LMBRD1: variants seen among roughly 807,000 people sequenced by gnomAD.
The protein encoded by LMBRD1 is LMBR1 domain containing 1.
A neutral mutation model predicts 74.8 loss-of-function variants in LMBRD1; 64 were observed. That is an observed-to-expected ratio of 0.86 (90% CI 0.70 to 1.05). The LOEUF (loss-of-function observed/expected upper bound fraction) is 1.05. Among genes scored for constraint, LMBRD1 ranks in the 50% least tolerant of loss-of-function variants. LMBRD1 has a pLI of 0.00. For missense variants in LMBRD1, 652 were observed against 645.9 expected, an observed-to-expected ratio of 1.01 and a Z score of -0.10; for synonymous variants, 204 against 216.3, an observed-to-expected ratio of 0.94 and a Z score of 0.50.
intron 2 of LMBRD1, among the ~76,000 whole-genome samples, chr6:69,789,578 AT>A (rs1766034961): frequency 6.6e-6 from 1 of 151,494 alleles, no homozygotes; most frequent in South Asian, 2.1e-4. Context: ...AAATAAAATT[AT>A]TTACCTAATT....
At chr6:69,720,560 A>ATTTGGTATAT (rs1232725633) in intron 7 of LMBRD1, among the ~76,000 whole-genome samples, 3 of 152,026 alleles carry the variant, frequency 2.0e-5, no homozygotes, top group African/African-American at 7.2e-5. Flanking sequence ...TATTTGGTAT[A>ATTTGGTATAT]TTTGGTATAT....
intron 9 of LMBRD1, chr6:69,705,631 AATC>A: frequency 1.1e-6 from 1 of 904,462 alleles, no homozygotes; most frequent in Non-Finnish European, 1.8e-6. Context: ...TTATTATCAA[AATC>A]ATCATTATCA....
chr6:69,701,331 A>G (rs1766125011), intron 11 of LMBRD1, 112 bp downstream of exon 11: 1 of 692,930 alleles, frequency 1.4e-6, no homozygotes, highest in Non-Finnish European at 2.6e-6. Flanking sequence ...CAAACTATTC[A>G]TAGGTTTTTA....
At chr6:69,732,974 C>T (rs1031631) in intron 7 of LMBRD1, among the ~76,000 whole-genome samples, 74,957 of 151,988 alleles carry the variant, frequency 0.49, 19,127 homozygotes, top group African/African-American at 0.61. Context: ...TGTTTGACCT[C>T]CTTCTCCTAA....
At chr6:69,685,882 G>C (rs942650153) in intron 14 of LMBRD1, among the ~76,000 whole-genome samples, 1 of 152,062 alleles carries the variant, frequency 6.6e-6, no homozygotes, top group Non-Finnish European at 1.5e-5. Flanking sequence ...TGATGCATGC[G>C]AAAGTTTGAT....
intron 6 of LMBRD1, among the ~76,000 whole-genome samples, chr6:69,740,135 G>T (rs999710932): frequency 1.3e-4 from 20 of 151,092 alleles, no homozygotes; most frequent in African/African-American, 4.9e-4. Flanking sequence ...CAATAAAAAG[G>T]TCATATACCC....
At chr6:69,788,422 C>T (rs1447028753) in intron 2 of LMBRD1, among the ~76,000 whole-genome samples, 1 of 152,066 alleles carries the variant, frequency 6.6e-6, no homozygotes, top group Non-Finnish European at 1.5e-5. Context: ...AAGTATACTA[C>T]ACTGTTTTAA....
At chr6:69,775,710 A>T (rs187679738) in intron 3 of LMBRD1, among the ~76,000 whole-genome samples, 1 of 152,340 alleles carries the variant, frequency 6.6e-6, no homozygotes, top group East Asian at 1.9e-4. Flanking sequence ...GACAGGAAAT[A>T]CACATAAACC....
chr6:69,705,722 A>G, intron 9 of LMBRD1: 1 of 1,134,242 alleles, frequency 8.8e-7, no homozygotes, highest in Middle Eastern at 2.4e-4. Flanking sequence ...CCTTGCTACC[A>G]CCTCCAGGGA....
rs779802824 is a variant in LMBRD1, at chr6:69,699,175, T to C, written c.1206A>G (p.Arg402=). The part of the protein sequence containing the change: ...FFWIRLYKIR[R]GRTRPQALLF... ...GGAGTGCTTGGGGCCTGGTTCTACC[T>C]CTTCTGATTTTATATAACTGGAAAG... is the stretch of plus-strand genomic sequence containing the variant. The change falls in exon 13 of 16, where the codon AGA becomes AGG. Residue 402 remains arginine, a synonymous_variant. Transcript: ENST00000649934. 42 of 1,611,588 alleles carry C rather than the reference T, an allele frequency of 2.6e-5. No homozygotes were observed. The highest frequency in any genetic ancestry group is 3.5e-5 in the Non-Finnish European group (41 of 1,178,234).
intron 15 of LMBRD1, 53 bp downstream of exon 15, chr6:69,676,397 T>G: frequency 6.3e-7 from 1 of 1,582,504 alleles, no homozygotes; most frequent in Admixed American, 1.7e-5. Flanking sequence ...TTTACACATT[T>G]AACTATAATT....
chr6:69,697,360 C>A (rs1398860251), intron 14 of LMBRD1, among the ~76,000 whole-genome samples: 1 of 151,892 alleles, frequency 6.6e-6, no homozygotes, highest in South Asian at 2.1e-4. Context: ...AAAATTACTT[C>A]CTAAGTAATT....
rs1562121835 is a variant in LMBRD1, at chr6:69,775,012, AGGG to A, written c.307+5479_307+5481del. ...AAGGGAGGGAGGGAGGGAGGGAGGG[AGGG>A]AGGGAGGGAGGGAGGGAGGGAAGGA... On this transcript the variant is annotated intron_variant, in intron 3 of 15. Coordinates refer to ENST00000649934, the MANE Select transcript of LMBRD1 (RefSeq NM_018368.4). 2.3e-4 allele frequency among the ~76,000 whole-genome samples: 12 copies of A among 51,134 alleles called. 1 individual carries two copies. The highest frequency in any genetic ancestry group is 3.4e-4 in the Non-Finnish European group (8 of 23,740). The allele number at this position is 51,134 out of a possible 152,430, so 33.5% of individuals were successfully genotyped here. A position where few individuals can be genotyped will look rare whatever the true frequency, so the allele number is the denominator to read the frequency against.
chr6:69,726,430 T>G (rs1484270801), intron 7 of LMBRD1, among the ~76,000 whole-genome samples: 2 of 152,232 alleles, frequency 1.3e-5, no homozygotes, highest in African/African-American at 4.8e-5. Context: ...TGCACTCCCA[T>G]GTTTGTTGCA....
Position 69,741,789 on chromosome 6 carries a change from G to T in LMBRD1, c.562C>A (p.His188Asn). 1 of 1,545,806 alleles carries T rather than the reference G, an allele frequency of 6.5e-7. No homozygotes were observed. Among genetic ancestry groups the T allele is most frequent in the Non-Finnish European group, 8.9e-7 (1 of 1,118,466 alleles). ...GTTTTTTAAAAAAAACAATACTTAC[G>T]ACTACTTCCAAGTTCTTCAAATAGG... Reference protein sequence around the residue: ...KSLFEELGSSHGLAALSFSIS... With the variant: ...KSLFEELGSSNGLAALSFSIS... The change falls in exon 6 of 16, where the codon CAT becomes AAT. Residue 188 changes from histidine to asparagine, a missense_variant and splice_region_variant. By Grantham distance (68) the His-to-Asn change is moderately conservative. Transcript: ENST00000649934.
chr6:69,736,458 T>A (rs1344613799), intron 7 of LMBRD1, among the ~76,000 whole-genome samples: 2 of 152,168 alleles, frequency 1.3e-5, no homozygotes, highest in East Asian at 3.8e-4. Flanking sequence ...AAAAAGTTGA[T>A]CCTATGGCTA....
chr6:69,731,377 G>C (rs948451689), intron 7 of LMBRD1, among the ~76,000 whole-genome samples: 3 of 151,976 alleles, frequency 2.0e-5, no homozygotes, highest in Non-Finnish European at 4.4e-5. Context: ...ACCCTGATTT[G>C]ATCATTACAC....
chr6:69,767,226 C>T (rs1403703992), intron 3 of LMBRD1, among the ~76,000 whole-genome samples: 1 of 151,014 alleles, frequency 6.6e-6, no homozygotes, highest in Non-Finnish European at 1.5e-5. Context: ...CTGCTCTAAC[C>T]TTTATTTTTC....
Position 69,769,358 on chromosome 6 carries a change from A to G in LMBRD1, c.307+11136T>C. Among the ~76,000 whole-genome samples, 3 of 152,224 alleles carry G rather than the reference A, an allele frequency of 2.0e-5. No individual in the cohort carries two copies. In the South Asian group the frequency reaches 6.2e-4, roughly 32 times the overall value. On this transcript the variant is annotated intron_variant, in intron 3 of 15. Transcript: ENST00000649934. ...GAATTTTCATTTTGTTATTTTTAAA[A>G]TCATTTCTATCTCCTTTTTGAACAT...
Sources: allele counts gnomAD v4.1 joint callset (sites outside exome capture counted in the v4.1 genomes callset), GRCh38; gene constraint gnomAD v4.1.1; transcripts MANE v1.5; gene names NCBI Gene and HGNC (gene_info 2026-07-23, HGNC 2026-07-21).